ASXL2: variants seen among roughly 807,000 people sequenced by gnomAD.
ASXL2 encodes the protein ASXL transcriptional regulator 2, also known as putative Polycomb group protein ASXL2.
ASXL2 carries 23 observed loss-of-function variants against 122.0 expected under a neutral mutation model. The observed-to-expected ratio is 0.19, with a 90% CI of 0.14 to 0.27. The LOEUF is 0.27. Among genes scored for constraint, ASXL2 ranks in the 10% least tolerant of loss-of-function variants. The pLI, the probability that ASXL2 is intolerant of heterozygous loss-of-function variation, is 1.00. For synonymous variants in ASXL2, 650 were observed against 637.0 expected (o/e 1.02, Z -0.31); for missense variants, 1,518 against 1,713.8 (o/e 0.89, Z 2.02).
chr2:25,873,640 A>G (rs2089982396), intron 1 of ASXL2, among the ~76,000 whole-genome samples: 1 of 151,534 alleles, frequency 6.6e-6, no homozygotes, highest in Non-Finnish European at 1.5e-5. Flanking sequence ...AAGTCTATAT[A>G]TTAAAAAAAA....
rs944686109 is a variant in ASXL2, at chr2:25,736,676, C to A, written c.*5353G>T. ...AAAAAAAAAAGCCAATGTATCCTTA[C>A]ATTAACTTCCAAAATATATTTTTTC... On this transcript the variant is annotated 3_prime_UTR_variant, in exon 13 of 13. Coordinates refer to ENST00000435504, the MANE Select transcript of ASXL2 (RefSeq NM_018263.6). 1.3e-5 allele frequency: 2 copies of A among 150,498 alleles called. No individual in the cohort carries two copies. Among genetic ancestry groups the A allele is most frequent in the African/African-American group, 2.4e-5 (1 of 41,034 alleles). 9.3% of individuals were successfully genotyped at this position (150,498 alleles called of 1,614,324 possible). A position where few individuals can be genotyped will look rare whatever the true frequency, so the allele number is the denominator to read the frequency against.
chr2:25,768,415 C>T (rs906456346), intron 7 of ASXL2, among the ~76,000 whole-genome samples: 2 of 152,156 alleles, frequency 1.3e-5, no homozygotes, highest in Non-Finnish European at 2.9e-5. Context: ...CCAATCCTCC[C>T]ACCTCAGCTT....
At chr2:25,815,878 C>T (rs1165771806) in intron 3 of ASXL2, among the ~76,000 whole-genome samples, 3 of 152,176 alleles carry the variant, frequency 2.0e-5, no homozygotes, top group East Asian at 1.9e-4. Context: ...AAAGCACCTA[C>T]ATAAAAGCAA....
chr2:25,783,540 CTATT>C (rs1281032432), intron 5 of ASXL2, among the ~76,000 whole-genome samples: 2 of 151,794 alleles, frequency 1.3e-5, no homozygotes, highest in African/African-American at 4.8e-5. Flanking sequence ...CTTCAGCTAT[CTATT>C]AGTTTACTTT....
chr2:25,773,838 C>T (rs1454409529), intron 5 of ASXL2, among the ~76,000 whole-genome samples: 5 of 151,338 alleles, frequency 3.3e-5, no homozygotes, highest in Non-Finnish European at 5.9e-5. Flanking sequence ...CAAGACCAGC[C>T]TGGCCAACAT....
chr2:25,756,161 G>T (rs367961376), intron 9 of ASXL2, 47 bp from the exon 10 acceptor site: 2 of 1,186,360 alleles, frequency 1.7e-6, no homozygotes, highest in Middle Eastern at 2.0e-4. Flanking sequence ...AAAGTGAAAG[G>T]TATCACGTCG....
At chr2:25,853,988 A>T (rs1258580672) in intron 1 of ASXL2, among the ~76,000 whole-genome samples, 6 of 152,202 alleles carry the variant, frequency 3.9e-5, no homozygotes, top group African/African-American at 1.4e-4. Context: ...TTGGGCGCAG[A>T]AACTTGAGTG....
At chr2:25,799,621 T>G in intron 4 of ASXL2, 86 bp from the exon 5 acceptor site, 2 of 1,428,858 alleles carry the variant, frequency 1.4e-6, no homozygotes, top group Non-Finnish European at 1.9e-6. Flanking sequence ...TGTTGCAACT[T>G]AATTGCACTA....
At chr2:25,782,495 G>A (rs751484661) in intron 5 of ASXL2, among the ~76,000 whole-genome samples, 5 of 152,006 alleles carry the variant, frequency 3.3e-5, no homozygotes, top group East Asian at 1.9e-4. Context: ...GCAGTGAGCC[G>A]AGACAGTGCC....
chr2:25,808,119 T>C (rs1321024888), intron 3 of ASXL2, among the ~76,000 whole-genome samples: 2 of 151,848 alleles, frequency 1.3e-5, no homozygotes, highest in Non-Finnish European at 2.9e-5. Flanking sequence ...CCAAAACTTG[T>C]TCTCCACGGA....
chr2:25,771,500 G>T lies in ASXL2; in HGVS notation c.444C>A (p.Thr148=). The change falls in exon 6 of 13, where the codon ACC becomes ACA. Residue 148 remains threonine, a synonymous_variant. Transcript: ENST00000435504. The part of the protein sequence containing the change: ...SSPQSGCPSP[T]IPAGKVISPS... ...GAGAAATGACTTTACCTGCTGGAAT[G>T]GTGGGTGATGGGCAGCCTGACTGCG... 6.2e-7 allele frequency: 1 copy of T among 1,613,854 alleles called. No individual in the cohort carries two copies. The highest frequency in any genetic ancestry group is 1.7e-5 in the Admixed American group (1 of 59,996).
chr2:25,846,680 G>A (rs2149193852), intron 1 of ASXL2, among the ~76,000 whole-genome samples: 1 of 152,156 alleles, frequency 6.6e-6, no homozygotes, highest in South Asian at 2.1e-4. Flanking sequence ...GCAGGGCATG[G>A]TGGTGCTCGC....
chr2:25,876,620 T>G (rs1459800732), intron 1 of ASXL2, among the ~76,000 whole-genome samples: 1 of 152,210 alleles, frequency 6.6e-6, no homozygotes, highest in African/African-American at 2.4e-5. Flanking sequence ...CATGCTTCTT[T>G]TATTAACAGA....
chr2:25,863,625 G>A lies in ASXL2; in HGVS notation c.57+14541C>T, dbSNP rs141129024. 3.4e-3 allele frequency among the ~76,000 whole-genome samples: 500 copies of A among 148,920 alleles called. 7 individuals carry two copies. The highest frequency in any genetic ancestry group is 0.011 in the African/African-American group (462 of 40,268). On this transcript the variant is annotated intron_variant, in intron 1 of 12. Coordinates refer to ENST00000435504, the MANE Select transcript of ASXL2 (RefSeq NM_018263.6). ...GGAGAATGGCCTGAATCCAGAAGGC[G>A]GAGCTTGCAAAGAGCCGAGATCGCG...
intron 1 of ASXL2, among the ~76,000 whole-genome samples, chr2:25,850,875 G>A (rs13421288): frequency 7.2e-5 from 11 of 152,232 alleles, no homozygotes; most frequent in African/African-American, 2.2e-4. Context: ...GGCTGCATGC[G>A]GTGGCTCACG....
At chr2:25,816,526 A>G (rs989655548) in intron 3 of ASXL2, among the ~76,000 whole-genome samples, 2 of 152,232 alleles carry the variant, frequency 1.3e-5, no homozygotes, top group South Asian at 2.1e-4. Flanking sequence ...TGTGATTGAC[A>G]TGAGAGCCAG....
At chr2:25,825,128 T>C (rs933872358) in intron 3 of ASXL2, among the ~76,000 whole-genome samples, 12 of 152,226 alleles carry the variant, frequency 7.9e-5, no homozygotes, top group African/African-American at 2.9e-4. Flanking sequence ...GTCTAGATTT[T>C]AAATTTAACA....
At chr2:25,863,673 A>G (rs1191324242) in intron 1 of ASXL2, among the ~76,000 whole-genome samples, 1 of 151,850 alleles carries the variant, frequency 6.6e-6, no homozygotes, top group Non-Finnish European at 1.5e-5. Flanking sequence ...AGCCTCGGGA[A>G]CAGAGTAAGA....
rs552627881 is a variant in ASXL2, at chr2:25,743,244, C to G, written c.3093G>C (p.Gln1031His). ...AAAAGAGCTGAAGGGGCCTTGGAAC[C>G]TGGGGGAGCTGCTTACTTTGCAAGG... The part of the protein sequence containing the change: ...GKTLQSKQLP[Q>H]VPRPLQLFSA... Residue 1031 changes from glutamine to histidine, a missense_variant, in exon 13 of 13, where the codon CAG becomes CAC. Transcript: ENST00000435504. 3 of 1,613,594 alleles carry G rather than the reference C, an allele frequency of 1.9e-6. No homozygotes were observed. Among genetic ancestry groups the G allele is most frequent in the East Asian group, 4.5e-5 (2 of 44,890 alleles).
Sources: gnomAD v4.1 joint callset for allele counts (sites outside exome capture counted in the v4.1 genomes callset) on GRCh38, gnomAD v4.1.1 for gene constraint, MANE v1.5 for transcripts, NCBI Gene and HGNC (gene_info 2026-07-23, HGNC 2026-07-21) for gene names.